MRPS27: variants seen among roughly 807,000 people sequenced by gnomAD.
The protein encoded by MRPS27 is small ribosomal subunit protein mS27.
A neutral mutation model predicts 48.9 loss-of-function variants in MRPS27; 43 were observed. The observed-to-expected ratio is 0.88, with a 90% CI of 0.69 to 1.13. The LOEUF (loss-of-function observed/expected upper bound fraction) is 1.13. Ranked by LOEUF, MRPS27 falls within the 50% of genes most tolerant of loss-of-function variation. The pLI, the probability that MRPS27 is intolerant of heterozygous loss-of-function variation, is 0.00. For synonymous variants in MRPS27, 188 were observed against 171.9 expected, an observed-to-expected ratio of 1.09 and a Z score of -0.73; for missense variants, 467 against 476.3, an observed-to-expected ratio of 0.98 and a Z score of 0.18.
chr5:72,319,311 A>G (rs1415724895), intron 1 of MRPS27, among the ~76,000 whole-genome samples: 1 of 152,152 alleles, frequency 6.6e-6, no homozygotes, highest in African/African-American at 2.4e-5. Context: ...AACTAATAGC[A>G]TTTATTATCT....
chr5:72,222,869 G>A (rs1219900737), intron 10 of MRPS27, among the ~76,000 whole-genome samples: 2 of 152,138 alleles, frequency 1.3e-5, no homozygotes, highest in Non-Finnish European at 2.9e-5. Flanking sequence ...ACAACACTGG[G>A]AATTAGGTTC....
chr5:72,274,033 A>T (rs928623103), intron 4 of MRPS27, among the ~76,000 whole-genome samples: 1 of 152,104 alleles, frequency 6.6e-6, no homozygotes, highest in Admixed American at 6.6e-5. Flanking sequence ...TTAACTTTTT[A>T]AAATTCTTAG....
At chr5:72,315,572 A>G (rs1286379848) in intron 1 of MRPS27, among the ~76,000 whole-genome samples, 1 of 151,750 alleles carries the variant, frequency 6.6e-6, no homozygotes, top group Non-Finnish European at 1.5e-5. Flanking sequence ...AAAAAAAAAA[A>G]GAAAAAGTAA....
intron 4 of MRPS27, among the ~76,000 whole-genome samples, chr5:72,274,281 G>T (rs1169815833): frequency 6.6e-6 from 1 of 152,224 alleles, no homozygotes; most frequent in Non-Finnish European, 1.5e-5. Context: ...TTGAACCCAA[G>T]AGGCAGAGGT....
chr5:72,231,688 C>A (rs1223405673), intron 7 of MRPS27, among the ~76,000 whole-genome samples: 2 of 152,094 alleles, frequency 1.3e-5, no homozygotes, highest in Non-Finnish European at 2.9e-5. Context: ...AGAATGTGGT[C>A]TGGACTAAAT....
chr5:72,274,952 C>G (rs556529348), intron 4 of MRPS27, among the ~76,000 whole-genome samples: 3 of 152,236 alleles, frequency 2.0e-5, no homozygotes, highest in Admixed American at 2.0e-4. Flanking sequence ...GGAAGCATCC[C>G]CCTTGAAAAC....
Position 72,292,488 on chromosome 5 carries a change from T to G in MRPS27, c.281+3043A>C, listed in dbSNP as rs117178084. 9.0e-4 allele frequency among the ~76,000 whole-genome samples: 137 copies of G among 152,310 alleles called. 2 individuals carry two copies. The East Asian group carries it at 0.025, about 28-fold the overall frequency. ...CTTTAATGTTGAAGTCCCTAAACAT[T>G]TAAGCCTATGTACTTTCAGAGATTC... On this transcript the variant is annotated intron_variant, in intron 4 of 10. Transcript: ENST00000261413.
At chr5:72,290,650 TTA>T (rs1449132527) in intron 4 of MRPS27, among the ~76,000 whole-genome samples, 4 of 152,148 alleles carry the variant, frequency 2.6e-5, no homozygotes, top group African/African-American at 9.7e-5. Flanking sequence ...TGCTCTAAGT[TTA>T]TAGTAAAGCA....
At chr5:72,258,685 T>C (rs1475232666) in intron 4 of MRPS27, among the ~76,000 whole-genome samples, 1 of 152,178 alleles carries the variant, frequency 6.6e-6, no homozygotes, top group East Asian at 1.9e-4. Context: ...GGTGCCATCT[T>C]GGAAACAGAG....
chr5:72,238,468 C>T (rs1297509530), intron 4 of MRPS27, among the ~76,000 whole-genome samples: 3 of 152,062 alleles, frequency 2.0e-5, no homozygotes, highest in Non-Finnish European at 4.4e-5. Context: ...TTAGAAGAGA[C>T]GTGAAGCTTA....
At chr5:72,275,898 AAGTT>A (rs1235617379) in intron 4 of MRPS27, among the ~76,000 whole-genome samples, 1 of 151,976 alleles carries the variant, frequency 6.6e-6, no homozygotes, top group Non-Finnish European at 1.5e-5. Context: ...GTGAACCAGA[AAGTT>A]AGTCCTCTTT....
At chr5:72,228,395 T>C (rs773586879) in intron 7 of MRPS27, 27 bp from the exon 8 acceptor site, 2 of 1,523,652 alleles carry the variant, frequency 1.3e-6, no homozygotes, top group Non-Finnish European at 1.8e-6. Context: ...TGGATCATGA[T>C]CCATCTAAGC....
chr5:72,273,010 C>T lies in MRPS27; in HGVS notation c.281+22521G>A, dbSNP rs150196578. Among the ~76,000 whole-genome samples the T allele has an allele frequency of 5.2e-3, 791 of 152,234 alleles. 4 individuals are homozygous for T. The highest frequency in any genetic ancestry group is 6.0e-3 in the Non-Finnish European group (406 of 68,010). ...GCAAACTCATTCTAAAACTGTGTAT[C>T]TTGTGATAGTAATAAATTTATTATT... On this transcript the variant is annotated intron_variant, in intron 4 of 10. Transcript: ENST00000261413.
Position 72,226,197 on chromosome 5 carries a change from TC to T in MRPS27, c.696del (p.Lys233ArgfsTer17). 1 of 1,613,556 alleles carries T rather than the reference TC, an allele frequency of 6.2e-7. No homozygotes were observed. Among genetic ancestry groups the T allele is most frequent in the Non-Finnish European group, 8.5e-7 (1 of 1,179,618 alleles). The stretch of plus-strand genomic sequence containing the variant: ...CGTAGCCCTTGCTGCAACTCCACCT[TC>T]CCTGTGGCCAAAAAGAACAATAAAG... Reference protein sequence around the residue: ...SSQLYGYALLGKVELQQGLRA... With the variant: ...SSQLYGYALLXKVELQQGLRA... On this transcript the variant is annotated frameshift_variant and splice_region_variant, in exon 9 of 11. Coordinates refer to ENST00000261413, the MANE Select transcript of MRPS27 (RefSeq NM_015084.3). LOFTEE classifies it high-confidence loss of function.
At chr5:72,295,015 T>C (rs909784971) in intron 4 of MRPS27, among the ~76,000 whole-genome samples, 1 of 152,052 alleles carries the variant, frequency 6.6e-6, no homozygotes, top group Non-Finnish European at 1.5e-5. Context: ...TTCAAGCATC[T>C]TAGATAAGAG....
chr5:72,291,564 A>G (rs1749820426), intron 4 of MRPS27, among the ~76,000 whole-genome samples: 1 of 152,240 alleles, frequency 6.6e-6, no homozygotes, highest in African/African-American at 2.4e-5. Context: ...GATATGAAAA[A>G]ATCAATGATT....
rs148030428 is a variant in MRPS27, at chr5:72,320,155, G to C, written c.67C>G (p.Pro23Ala). 9 of 1,613,784 alleles carry C rather than the reference G, an allele frequency of 5.6e-6. No homozygotes were observed. The East Asian group carries it at 6.7e-5, about 12-fold the overall frequency. ...ATGAAGCTGTCCGGCCAACCTGCAG[G>C]AGAGAGCTGAGGAAGAACCACTTGC... ...ARQVVLPQLS[P>A]AGKRYLLSSA... The change falls in exon 1 of 11, where the codon CCT (proline) becomes GCT (alanine). Residue 23 changes from proline (P) to alanine (A), a missense_variant. Transcript: ENST00000261413.
intron 4 of MRPS27, among the ~76,000 whole-genome samples, chr5:72,275,442 T>C (rs539215791): frequency 6.6e-6 from 1 of 152,324 alleles, no homozygotes; most frequent in South Asian, 2.1e-4. Context: ...ATCGTGAACA[T>C]GGCCATACTG....
chr5:72,227,363 C>T (rs951839350), intron 8 of MRPS27: 8 of 152,122 alleles, frequency 5.3e-5, no homozygotes, highest in African/African-American at 1.4e-4. Flanking sequence ...GTGGTCAACT[C>T]CTTTGTTAGT....
Sources: allele counts gnomAD v4.1 joint callset (sites outside exome capture counted in the v4.1 genomes callset), GRCh38; gene constraint gnomAD v4.1.1; transcripts MANE v1.5; gene names NCBI Gene and HGNC (gene_info 2026-07-23, HGNC 2026-07-21).